Variants in PDE8B observed in about 807,000 individuals in gnomAD.
PDE8B encodes phosphodiesterase 8B, also known as high affinity cAMP-specific and IBMX-insensitive 3',5'-cyclic phosphodiesterase 8B.
In PDE8B, 26 loss-of-function variants were observed where a neutral mutation model predicts 101.3. The ratio of observed to expected loss-of-function variants is 0.26; its 90% CI spans 0.19 to 0.36. PDE8B has a LOEUF of 0.36. Ranked by LOEUF, PDE8B falls within the 10% of genes least tolerant of loss-of-function variation. The pLI is 1.00. For missense variants in PDE8B, 810 were observed against 1,163.1 expected, an observed-to-expected ratio of 0.70 and a Z score of 4.42; for synonymous variants, 424 against 429.3, an observed-to-expected ratio of 0.99 and a Z score of 0.15.
intron 1 of PDE8B, among the ~76,000 whole-genome samples, chr5:77,233,682 G>C (rs1754077124): frequency 6.6e-6 from 1 of 150,420 alleles, no homozygotes; most frequent in Non-Finnish European, 1.5e-5. Flanking sequence ...GTGTGTGTGT[G>C]TGTGTGTGTG....
At chr5:77,336,608 ATTTG>A (rs1778247899) in intron 5 of PDE8B, among the ~76,000 whole-genome samples, 1 of 143,338 alleles carries the variant, frequency 7.0e-6, no homozygotes, top group African/African-American at 2.8e-5. Flanking sequence ...ATACACCACA[ATTTG>A]TTTATCTGTT....
At chr5:77,093,413 C>G in the PDE8B span, among the ~76,000 whole-genome samples, 1 of 151,584 alleles carries the variant, frequency 6.6e-6, no homozygotes, top group Non-Finnish European at 1.5e-5. Flanking sequence ...TTTTTTATTT[C>G]TATAAGGTTG....
intron 10 of PDE8B, among the ~76,000 whole-genome samples, chr5:77,373,580 TA>T (rs1218473792): frequency 6.6e-6 from 1 of 152,224 alleles, no homozygotes; most frequent in East Asian, 1.9e-4. Context: ...TTTATGTAAA[TA>T]AAATTAGAGA....
chr5:77,369,292 G>A (rs1413519879), intron 10 of PDE8B, among the ~76,000 whole-genome samples: 1 of 150,864 alleles, frequency 6.6e-6, no homozygotes, highest in African/African-American at 2.4e-5. Context: ...GTGAGGTATT[G>A]AAGGGTGAGA....
intron 16 of PDE8B, 53 bp from the exon 17 acceptor site, chr5:77,413,058 A>C: frequency 6.9e-7 from 1 of 1,448,316 alleles, no homozygotes; most frequent in Non-Finnish European, 9.7e-7. Context: ...CAAAGAAAAC[A>C]GTTTCTGGGC....
chr5:77,301,116 G>T (rs1431531184), intron 1 of PDE8B, among the ~76,000 whole-genome samples: 1 of 152,198 alleles, frequency 6.6e-6, no homozygotes, highest in Admixed American at 6.5e-5. Context: ...GGGAAAGTGA[G>T]TGTGGTTGGA....
intron 10 of PDE8B, among the ~76,000 whole-genome samples, chr5:77,369,225 A>G (rs1185766220): frequency 6.8e-6 from 1 of 147,766 alleles, no homozygotes; most frequent in African/African-American, 2.5e-5. Flanking sequence ...AAAAAAAAAA[A>G]GAAGAGATAG....
Position 77,211,293 on chromosome 5 carries a change from G to A in PDE8B, c.339+29G>A, listed in dbSNP as rs751366731. 38 of 1,525,436 alleles carry A rather than the reference G, an allele frequency of 2.5e-5. 1 individual carries two copies. In the South Asian group the frequency reaches 4.5e-4, roughly 18 times the overall value. 94.5% of individuals were successfully genotyped at this position (1,525,436 alleles called of 1,614,324 possible). The stretch of plus-strand genomic sequence containing the variant: ...AATGCCCCGCGCTGGCACACGCCGT[G>A]GGGGCCGTCCGCCCCGTCGGCGGGG... On this transcript the variant is annotated intron_variant, in intron 1 of 21. Transcript: ENST00000264917. The surrounding 1 kb of genome is among the most constrained non-coding windows in gnomAD (Gnocchi z 4.1).
At chr5:77,415,958 T>C (rs779135969) in intron 17 of PDE8B, among the ~76,000 whole-genome samples, 1 of 152,256 alleles carries the variant, frequency 6.6e-6, no homozygotes, top group East Asian at 1.9e-4. Flanking sequence ...GAAAAAACTA[T>C]GCAGAGGTAA....
At chr5:77,268,850 AT>A (rs1762240508) in intron 1 of PDE8B, among the ~76,000 whole-genome samples, 3 of 150,100 alleles carry the variant, frequency 2.0e-5, no homozygotes, top group Admixed American at 1.3e-4. Context: ...ATGTGGTAAC[AT>A]TTTCTTTATC....
chr5:77,208,001 A>G (rs908387977), upstream of PDE8B, among the ~76,000 whole-genome samples: 2 of 152,198 alleles, frequency 1.3e-5, no homozygotes, highest in African/African-American at 4.8e-5. Flanking sequence ...CACTGGTCCT[A>G]ATATGAACTG....
At chr5:77,114,626 C>G in the PDE8B span, 1 of 151,764 alleles carries the variant, frequency 6.6e-6, no homozygotes, top group Admixed American at 6.6e-5. Flanking sequence ...CAAACCTGCA[C>G]GTTGTGCACA....
intron 1 of PDE8B, among the ~76,000 whole-genome samples, chr5:77,269,992 T>C (rs1466274719): frequency 6.6e-6 from 1 of 152,202 alleles, no homozygotes; most frequent in Non-Finnish European, 1.5e-5. Flanking sequence ...AGGATTTTTT[T>C]CTCTATTTCT....
chr5:77,278,237 C>T (rs752722975), intron 1 of PDE8B, among the ~76,000 whole-genome samples: 13 of 152,166 alleles, frequency 8.5e-5, no homozygotes, highest in Non-Finnish European at 1.9e-4. Flanking sequence ...GTTCCATGCT[C>T]CTGTTAGGTT....
chr5:77,199,942 C>T, the PDE8B span, among the ~76,000 whole-genome samples: 3 of 152,058 alleles, frequency 2.0e-5, no homozygotes, highest in Non-Finnish European at 2.9e-5. Context: ...CTGCCCTGTC[C>T]TCCAGACCTC....
intron 1 of PDE8B, among the ~76,000 whole-genome samples, chr5:77,256,833 G>A (rs553219756): frequency 6.6e-6 from 1 of 152,214 alleles, no homozygotes; most frequent in South Asian, 2.1e-4. Flanking sequence ...GAAGCATATA[G>A]ATTTTCTGAA....
At chr5:77,354,301 T>G (rs1179024557) in intron 10 of PDE8B, among the ~76,000 whole-genome samples, 1 of 152,168 alleles carries the variant, frequency 6.6e-6, no homozygotes, top group Non-Finnish European at 1.5e-5. Flanking sequence ...TCTCAGGATA[T>G]CAAAGGGGTC....
rs34650604 is a variant in PDE8B, at chr5:77,363,713, G to GA, written c.1167+10323dup. Among the ~76,000 whole-genome samples, 622 of 113,080 alleles carry GA rather than the reference G, an allele frequency of 5.5e-3. 8 individuals are homozygous for GA. The East Asian group carries it at 0.072, about 13-fold the overall frequency. The allele number at this position is 113,080 out of a possible 152,430, so 74.2% of individuals were successfully genotyped here. A position where few individuals can be genotyped will look rare whatever the true frequency, so the allele number is the denominator to read the frequency against. ...GGTGACAGAGCAAGACTCCATCGCA[G>GA]AAAAAAAAAAAAAAAAGAATATGTC... is the stretch of plus-strand genomic sequence containing the variant. On this transcript the variant is annotated intron_variant, in intron 10 of 21. Transcript: ENST00000264917.
the PDE8B span, among the ~76,000 whole-genome samples, chr5:77,200,486 GC>G: frequency 6.6e-6 from 1 of 152,152 alleles, no homozygotes; most frequent in African/African-American, 2.4e-5. Context: ...GTTTTGTGAG[GC>G]TTGCAGACAT....
Sources: allele counts gnomAD v4.1 joint callset (sites outside exome capture counted in the v4.1 genomes callset), GRCh38; gene constraint gnomAD v4.1.1; non-coding constraint Gnocchi (gnomAD v3.1); transcripts MANE v1.5; gene names NCBI Gene and HGNC (gene_info 2026-07-23, HGNC 2026-07-21).